Variants in RP1 observed in about 807,000 individuals in gnomAD.
RP1 encodes RP1 axonemal microtubule associated.
Under a neutral mutation model 14.8 loss-of-function variants are expected in RP1, and 16 were observed. That is an observed-to-expected ratio of 1.08 (90% CI 0.73 to 1.65). The LOEUF (loss-of-function observed/expected upper bound fraction) is 1.65. RP1 is among the 40% of genes most tolerant of loss of function. RP1 has a pLI of 0.00. For missense variants in RP1, 2,631 were observed against 2,535.0 expected, an observed-to-expected ratio of 1.04 and a Z score of -0.81; for synonymous variants, 876 against 883.6, an observed-to-expected ratio of 0.99 and a Z score of 0.15.
intron 1 of RP1, among the ~76,000 whole-genome samples, chr8:54,598,107 T>C (rs899578268): frequency 2.0e-5 from 3 of 152,184 alleles, no homozygotes; most frequent in Non-Finnish European, 4.4e-5. Context: ...AATTAAATCA[T>C]ATAGCATATG....
Position 54,831,842 on chromosome 8 carries a change from C to T in RP1, c.3616-5608C>T, listed in dbSNP as rs1313015778. 2.0e-5 allele frequency among the ~76,000 whole-genome samples: 3 copies of T among 151,414 alleles called. 1 individual carries two copies. Among genetic ancestry groups the T allele is most frequent in the Admixed American group, 2.0e-4 (3 of 15,224 alleles). Reference sequence around the variant, plus strand: ...TTGCATTTTTTGTAGTACAAGTTGGCTAGTTATAAATTTTCTTAGCTTTTT... The same window carrying T: ...TTGCATTTTTTGTAGTACAAGTTGGTTAGTTATAAATTTTCTTAGCTTTTT... On this transcript the variant is annotated intron_variant, in intron 24 of 28. Transcript: ENST00000637698.
At chr8:54,778,394 G>A (rs1810097687) in intron 23 of RP1, among the ~76,000 whole-genome samples, 2 of 148,522 alleles carry the variant, frequency 1.3e-5, no homozygotes, top group South Asian at 4.3e-4. Flanking sequence ...ACATGATCTT[G>A]GCTCACTGCA....
chr8:54,752,820 G>A (rs542828056), intron 19 of RP1, among the ~76,000 whole-genome samples: 4 of 152,298 alleles, frequency 2.6e-5, no homozygotes, highest in South Asian at 2.1e-4. Flanking sequence ...TAGGGAGAAC[G>A]TGCAAATTCC....
chr8:54,842,604 A>G (rs1811813861), intron 25 of RP1, among the ~76,000 whole-genome samples: 1 of 152,162 alleles, frequency 6.6e-6, no homozygotes, highest in East Asian at 1.9e-4. Flanking sequence ...GAACACTGGT[A>G]TCACAAAGAG....
intron 1 of RP1, among the ~76,000 whole-genome samples, chr8:54,567,940 T>C (rs1804441680): frequency 6.6e-6 from 1 of 152,188 alleles, no homozygotes; most frequent in Admixed American, 6.5e-5. Context: ...AAAAGCAGCA[T>C]GAAAAGCAGA....
intron 1 of RP1, among the ~76,000 whole-genome samples, 191 bp downstream of exon 1, chr8:54,616,393 A>G (rs702761): frequency 0.35 from 52,761 of 152,100 alleles, 9,959 homozygotes; most frequent in East Asian, 0.65. Context: ...TGATATTGAA[A>G]TAGAATGGAA....
chr8:54,773,564 G>A (rs1264255086), downstream of RP1, among the ~76,000 whole-genome samples: 1 of 152,118 alleles, frequency 6.6e-6, no homozygotes, highest in Non-Finnish European at 1.5e-5. Context: ...TTGAACCCAG[G>A]TGGCGGAGGT....
At chr8:54,760,704 A>G (rs553305947) in intron 22 of RP1, among the ~76,000 whole-genome samples, 5 of 152,218 alleles carry the variant, frequency 3.3e-5, no homozygotes, top group Admixed American at 2.0e-4. Context: ...TTAGACCCCT[A>G]TAATTACCTA....
At chr8:54,602,432 A>G (rs1805315052) in intron 1 of RP1, among the ~76,000 whole-genome samples, 1 of 152,160 alleles carries the variant, frequency 6.6e-6, no homozygotes, top group Non-Finnish European at 1.5e-5. Flanking sequence ...GATCCAGTCT[A>G]TCATTGTTGG....
exon 23 of RP1, chr8:54,769,853 T>C (rs1260090806): frequency 5.4e-6 from 7 of 1,286,484 alleles, no homozygotes; most frequent in Non-Finnish European, 7.6e-6. Flanking sequence ...TTTTGTTACA[T>C]CTGGACATCA....
intron 1 of RP1, among the ~76,000 whole-genome samples, chr8:54,584,160 A>G (rs1804861077): frequency 6.6e-6 from 1 of 152,130 alleles, no homozygotes. Context: ...TTCCCTCTGC[A>G]CACTGCTTTG....
At chr8:54,766,692 C>T (rs1295664256) in intron 22 of RP1, among the ~76,000 whole-genome samples, 2 of 152,128 alleles carry the variant, frequency 1.3e-5, no homozygotes, top group African/African-American at 4.8e-5. Flanking sequence ...GCAAAACACC[C>T]TATATGTTTT....
chr8:54,803,475 A>G (rs551955605), intron 24 of RP1, among the ~76,000 whole-genome samples: 3 of 152,274 alleles, frequency 2.0e-5, no homozygotes, highest in South Asian at 2.1e-4. Context: ...AGACTCCCCT[A>G]AGAAAACCGA....
intron 24 of RP1, among the ~76,000 whole-genome samples, chr8:54,795,287 A>G (rs955116133): frequency 5.3e-5 from 8 of 152,126 alleles, no homozygotes; most frequent in Admixed American, 2.0e-4. Flanking sequence ...CCATGTGGTC[A>G]TTGCAGTGTC....
intron 22 of RP1, chr8:54,759,130 C>CCG (rs374086731): frequency 5.2e-6 from 4 of 768,344 alleles, no homozygotes; most frequent in African/African-American, 1.9e-5. Flanking sequence ...GTGGATGATG[C>CCG]TGTGTGTGTG....
chr8:54,633,847 T>C (rs1326431996), downstream of RP1, among the ~76,000 whole-genome samples: 1 of 151,578 alleles, frequency 6.6e-6, no homozygotes, highest in Admixed American at 6.6e-5. Context: ...CTGTGCCAAA[T>C]ATTGGGCTAA....
chr8:54,853,718 C>T (rs1023693681), intron 26 of RP1, among the ~76,000 whole-genome samples: 1 of 88,782 alleles, frequency 1.1e-5, no homozygotes, highest in Non-Finnish European at 2.1e-5. Context: ...CTTAGCAAGA[C>T]CTCATCTCTA....
rs752435173 is a variant in RP1 at position 54,627,517 on chromosome 8, G to T, written c.3635G>T (p.Cys1212Phe). 10 of 1,614,126 alleles carry T rather than the reference G, an allele frequency of 6.2e-6. No individual in the cohort carries two copies. The highest frequency in any genetic ancestry group is 8.5e-6 in the Non-Finnish European group (10 of 1,179,972). ...DMVPIDLSAN[C>F]STVNIQSVPK... ...GTTCCAATAGATCTTTCTGCAAATTGTTCCACGGTCAACATTCAGAGTGTT... is the reference window on the plus strand; with the variant it reads ...GTTCCAATAGATCTTTCTGCAAATTTTTCCACGGTCAACATTCAGAGTGTT... The change falls in exon 4 of 4, where the codon TGT (cysteine) becomes TTT (phenylalanine). Residue 1212 changes from cysteine (C) to phenylalanine (F), a missense_variant. Physicochemically the swap from Cys to Phe is radical, Grantham distance 205. Coordinates refer to ENST00000220676, the MANE Select transcript of RP1 (RefSeq NM_006269.2).
chr8:54,848,156 T>C (rs933507692), intron 25 of RP1, among the ~76,000 whole-genome samples: 12 of 152,220 alleles, frequency 7.9e-5, no homozygotes, highest in African/African-American at 2.9e-4. Flanking sequence ...CTCAGATATC[T>C]GGTGCAGGCA....
Sources: gnomAD v4.1 joint callset for allele counts (sites outside exome capture counted in the v4.1 genomes callset) on GRCh38, gnomAD v4.1.1 for gene constraint, MANE v1.5 for transcripts, NCBI Gene and HGNC (gene_info 2026-07-23, HGNC 2026-07-21) for gene names.